The following LOC400499 variants were observed in gnomAD, a reference collection of about 807,000 sequenced individuals.
At chr16:11,390,530 C>T in the LOC400499 span, 2 of 1,190,208 alleles carry the variant, frequency 1.7e-6, no homozygotes, top group Non-Finnish European at 2.1e-6. Context: ...CCTGCCCAGA[C>T]ACGCCAGGCC....
the LOC400499 span, among the ~76,000 whole-genome samples, chr16:11,473,643 T>C: frequency 6.6e-5 from 10 of 151,758 alleles, no homozygotes; most frequent in African/African-American, 2.4e-4. Flanking sequence ...TAGCCCCAGC[T>C]ACTTGGGAGG....
At chr16:11,452,134 T>A in the LOC400499 span, among the ~76,000 whole-genome samples, 484 of 152,128 alleles carry the variant, frequency 3.2e-3, 2 homozygotes, top group African/African-American at 0.011. Context: ...TTTCACTTTA[T>A]AGATCACAGT....
chr16:11,512,776 G>A, the LOC400499 span, among the ~76,000 whole-genome samples: 1 of 152,256 alleles, frequency 6.6e-6, no homozygotes, highest in Admixed American at 6.5e-5. Flanking sequence ...ATCCAACTCA[G>A]TGGGACACCA....
the LOC400499 span, chr16:11,372,461 C>G: frequency 6.6e-6 from 1 of 152,256 alleles, no homozygotes; most frequent in African/African-American, 2.4e-5. Flanking sequence ...TTGCTGGCCG[C>G]ACTGTCTCCT....
the LOC400499 span, among the ~76,000 whole-genome samples, chr16:11,467,766 T>C: frequency 6.6e-6 from 1 of 152,086 alleles, no homozygotes; most frequent in South Asian, 2.1e-4. Context: ...CTAAAAATAT[T>C]TGCAAATCTA....
At chr16:11,420,036 C>T in the LOC400499 span, among the ~76,000 whole-genome samples, 20 of 149,450 alleles carry the variant, frequency 1.3e-4, no homozygotes, top group Non-Finnish European at 2.5e-4. Flanking sequence ...GTCAGTGTGG[C>T]GATTCCTCAG....
the LOC400499 span, among the ~76,000 whole-genome samples, chr16:11,444,125 G>A: frequency 6.6e-6 from 1 of 152,098 alleles, no homozygotes; most frequent in Admixed American, 6.5e-5. Context: ...ACATGTGTGA[G>A]CCACCACACC....
At chr16:11,400,758 A>C in the LOC400499 span, among the ~76,000 whole-genome samples, 1 of 152,070 alleles carries the variant, frequency 6.6e-6, no homozygotes, top group Non-Finnish European at 1.5e-5. Context: ...ACTACTTTAC[A>C]GTGCTTATCA....
chr16:11,380,387 C>T, the LOC400499 span, among the ~76,000 whole-genome samples: 1 of 152,102 alleles, frequency 6.6e-6, no homozygotes, highest in Admixed American at 6.6e-5. Flanking sequence ...CGAGACCAGC[C>T]TGGCTAACAT....
the LOC400499 span, chr16:11,414,418 C>A: frequency 2.5e-6 from 1 of 399,788 alleles, no homozygotes; most frequent in Non-Finnish European, 4.4e-6. Context: ...CTGCAGTGGG[C>A]CACGTCGTGG....
At chr16:11,446,516 G>C in the LOC400499 span, 1 of 1,525,898 alleles carries the variant, frequency 6.6e-7, no homozygotes, top group Non-Finnish European at 8.8e-7. Context: ...AGGGCTGGCT[G>C]GGGTGCAAAA....
At chr16:11,527,151 C>G in the LOC400499 span, among the ~76,000 whole-genome samples, 1 of 152,180 alleles carries the variant, frequency 6.6e-6, no homozygotes, top group Admixed American at 6.5e-5. Flanking sequence ...AGGACCAGAC[C>G]GAGGAGTCCC....
the LOC400499 span, among the ~76,000 whole-genome samples, chr16:11,504,760 C>G: frequency 6.6e-6 from 1 of 151,850 alleles, no homozygotes; most frequent in Non-Finnish European, 1.5e-5. Context: ...TCATCTCTGC[C>G]AAAAATATAA....
the LOC400499 span, among the ~76,000 whole-genome samples, chr16:11,427,017 T>G: frequency 6.6e-6 from 1 of 150,878 alleles, no homozygotes; most frequent in African/African-American, 2.4e-5. Flanking sequence ...AAAAAAAAAT[T>G]CATGTGACCT....
the LOC400499 span, chr16:11,389,984 G>T: frequency 1.8e-6 from 1 of 550,938 alleles, no homozygotes; most frequent in Admixed American, 4.4e-5. Flanking sequence ...AACGAGGAGA[G>T]AAGAAGCCCC....
At chr16:11,465,776 C>A in the LOC400499 span, among the ~76,000 whole-genome samples, 2 of 116,550 alleles carry the variant, frequency 1.7e-5, no homozygotes, top group Non-Finnish European at 3.3e-5. Flanking sequence ...GGGGGGTGGG[C>A]AGAGAGGGAA....
At chr16:11,459,878 C>A in the LOC400499 span, 1 of 1,350,450 alleles carries the variant, frequency 7.4e-7, no homozygotes, top group South Asian at 2.0e-5. Flanking sequence ...ACGGCTCTGC[C>A]GCAGTGGCCA....
chr16:11,411,194 C>T, the LOC400499 span: 4 of 399,116 alleles, frequency 1.0e-5, no homozygotes, highest in South Asian at 1.3e-4. Flanking sequence ...CCTCCTGCCT[C>T]GGGCTGGGCA....
the LOC400499 span, chr16:11,448,178 C>T: frequency 7.3e-7 from 1 of 1,362,476 alleles, no homozygotes. Flanking sequence ...TGCCCATCAC[C>T]CCCAGAAATG....
Sources: gnomAD v4.1 joint callset for allele counts (sites outside exome capture counted in the v4.1 genomes callset) on GRCh38, gnomAD v4.1.1 for gene constraint, MANE v1.5 for transcripts.